STK24: variants seen among roughly 807,000 people sequenced by gnomAD.
The protein encoded by STK24 is serine/threonine-protein kinase 24.
In STK24, 21 loss-of-function variants were observed where a neutral mutation model predicts 55.6. That is an observed-to-expected ratio of 0.38 (90% CI 0.27 to 0.54). The LOEUF (loss-of-function observed/expected upper bound fraction) is 0.54, where lower values mean the gene tolerates loss of function less well. Among genes scored for constraint, STK24 ranks in the 20% least tolerant of loss-of-function variants. STK24 has a pLI of 0.79. For missense variants in STK24, 383 were observed against 538.4 expected (o/e 0.71, Z 2.86); for synonymous variants, 200 against 215.2 (o/e 0.93, Z 0.62).
intron 6 of STK24, among the ~76,000 whole-genome samples, chr13:98,465,225 G>C (rs1452361017): frequency 6.6e-6 from 1 of 152,252 alleles, no homozygotes; most frequent in Non-Finnish European, 1.5e-5. Context: ...AGCCAAGCAT[G>C]TTTTCAGATT....
At chr13:98,534,953 A>G (rs1896674789) in intron 1 of STK24, among the ~76,000 whole-genome samples, 1 of 152,256 alleles carries the variant, frequency 6.6e-6, no homozygotes, top group South Asian at 2.1e-4. Flanking sequence ...GTCTTGATAA[A>G]TCAGCTGTTT....
rs534278933 is a variant in STK24, at chr13:98,542,733, G to A, written c.43-23260C>T. 81 of 694,924 alleles carry A rather than the reference G, an allele frequency of 1.2e-4. 1 individual carries two copies. The South Asian group carries it at 5.0e-3, about 43-fold the overall frequency. The allele number at this position is 694,924 out of a possible 1,614,324, so 43.0% of individuals were successfully genotyped here. A position where few individuals can be genotyped will look rare whatever the true frequency, so the allele number is the denominator to read the frequency against. ...CCTTGTTCCTGGAGTGAAAGTGACGGGAAGCAAAGCAGCCCACAGCCCTAG... is the reference window on the plus strand; with the variant it reads ...CCTTGTTCCTGGAGTGAAAGTGACGAGAAGCAAAGCAGCCCACAGCCCTAG... On this transcript the variant is annotated intron_variant, in intron 1 of 10. Coordinates refer to ENST00000539966, the MANE Select transcript of STK24 (RefSeq NM_001032296.4).
At chr13:98,557,666 A>G (rs1897314476) in intron 1 of STK24, among the ~76,000 whole-genome samples, 1 of 152,246 alleles carries the variant, frequency 6.6e-6, no homozygotes, top group South Asian at 2.1e-4. Flanking sequence ...ATTTCCCAGA[A>G]ATGTCACATC....
chr13:98,517,978 T>C (rs61969454), intron 2 of STK24, among the ~76,000 whole-genome samples: 29,034 of 152,214 alleles, frequency 0.19, 3,048 homozygotes, highest in Non-Finnish European at 0.24. Flanking sequence ...ATATGATATA[T>C]ACCATAATTT....
chr13:98,517,489 G>T (rs181338455), intron 2 of STK24, among the ~76,000 whole-genome samples: 158 of 152,260 alleles, frequency 1.0e-3, no homozygotes, highest in Non-Finnish European at 1.9e-3. Flanking sequence ...AGCCGGGCAC[G>T]GTGGTTGGTG....
At chr13:98,515,774 C>T (rs1204079399) in intron 2 of STK24, among the ~76,000 whole-genome samples, 1 of 152,094 alleles carries the variant, frequency 6.6e-6, no homozygotes, top group Non-Finnish European at 1.5e-5. Flanking sequence ...TGCTAGCTAC[C>T]CCAACAATGA....
intron 2 of STK24, among the ~76,000 whole-genome samples, chr13:98,514,713 T>C (rs1269990287): frequency 2.0e-5 from 3 of 152,350 alleles, no homozygotes; most frequent in Admixed American, 1.3e-4. Flanking sequence ...GCACCTGATT[T>C]GCTTTGGTTA....
At chr13:98,490,662 GA>G (rs1192554079) in intron 2 of STK24, among the ~76,000 whole-genome samples, 1 of 152,068 alleles carries the variant, frequency 6.6e-6, no homozygotes, top group Non-Finnish European at 1.5e-5. Context: ...ATCATTATTA[GA>G]AAAGAACCAG....
intron 1 of STK24, among the ~76,000 whole-genome samples, chr13:98,533,901 C>A (rs949319473): frequency 2.0e-5 from 3 of 152,184 alleles, no homozygotes; most frequent in African/African-American, 7.2e-5. Context: ...GGGGTCCAGT[C>A]TGGACACAGC....
At chr13:98,512,427 G>T (rs980094558) in intron 2 of STK24, among the ~76,000 whole-genome samples, 1 of 152,074 alleles carries the variant, frequency 6.6e-6, no homozygotes, top group Non-Finnish European at 1.5e-5. Context: ...TTGACTTAGA[G>T]CGAAACAGGT....
At chr13:98,462,566 C>G (rs1300436239) in intron 7 of STK24, among the ~76,000 whole-genome samples, 1 of 152,108 alleles carries the variant, frequency 6.6e-6, no homozygotes, top group Admixed American at 6.5e-5. Flanking sequence ...CTCTCACTCA[C>G]AGGCGGAGCC....
intron 5 of STK24, among the ~76,000 whole-genome samples, chr13:98,471,592 C>G (rs1266174447): frequency 6.6e-6 from 1 of 152,186 alleles, no homozygotes; most frequent in Admixed American, 6.5e-5. Context: ...TTAGTAATGT[C>G]ATGCTTAGGT....
chr13:98,502,551 G>A (rs1291414530), intron 2 of STK24, among the ~76,000 whole-genome samples: 1 of 152,174 alleles, frequency 6.6e-6, no homozygotes, highest in Non-Finnish European at 1.5e-5. Context: ...TAAGGACGGA[G>A]CCCTCATGAA....
At chr13:98,492,905 A>G (rs1397319324) in intron 2 of STK24, among the ~76,000 whole-genome samples, 1 of 152,222 alleles carries the variant, frequency 6.6e-6, no homozygotes, top group Non-Finnish European at 1.5e-5. Flanking sequence ...AGATGCCTAA[A>G]TAAGAACCAC....
chr13:98,535,539 T>A (rs957424175), intron 1 of STK24, among the ~76,000 whole-genome samples: 1 of 151,976 alleles, frequency 6.6e-6, no homozygotes, highest in African/African-American at 2.4e-5. Flanking sequence ...ACATACCCAG[T>A]GTACAAATAA....
In STK24 at chr13:98,446,414, CTAGGAAGGGCCACCTGTCTTCTGCCT is replaced by C. The variant is rs922470010; in HGVS notation, c.*6733_*6758del. 1 of 602,044 alleles carries C rather than the reference CTAGGAAGGGCCACCTGTCTTCTGCCT, an allele frequency of 1.7e-6. No homozygotes were observed. The highest frequency in any genetic ancestry group is 2.9e-6 in the Non-Finnish European group (1 of 339,344). 37.3% of individuals were successfully genotyped at this position (602,044 alleles called of 1,614,324 possible). On this transcript the variant is annotated 3_prime_UTR_variant, in exon 11 of 11. Transcript: ENST00000539966. ...CATCCACTGAAGGACAACTTCTGCC[CTAGGAAGGGCCACCTGTCTTCTGCCT>C]GGACAAGGGACGGGGGTTGGCTTTA...
intron 2 of STK24, among the ~76,000 whole-genome samples, chr13:98,496,099 G>A (rs1301385167): frequency 6.6e-6 from 1 of 152,220 alleles, no homozygotes; most frequent in African/African-American, 2.4e-5. Context: ...TCATGCGGGA[G>A]GGGACAAAGG....
chr13:98,517,824 C>T (rs1896120846), intron 2 of STK24, among the ~76,000 whole-genome samples: 1 of 152,154 alleles, frequency 6.6e-6, no homozygotes, highest in African/African-American at 2.4e-5. Flanking sequence ...ACCTTAACTG[C>T]AAACTACCTT....
chr13:98,489,270 C>T (rs1238878962), intron 2 of STK24, among the ~76,000 whole-genome samples: 1 of 152,218 alleles, frequency 6.6e-6, no homozygotes, highest in Non-Finnish European at 1.5e-5. Flanking sequence ...GTTAACTCCA[C>T]AGTGTCCTCT....
Sources: gnomAD v4.1 joint callset for allele counts (sites outside exome capture counted in the v4.1 genomes callset) on GRCh38, gnomAD v4.1.1 for gene constraint, MANE v1.5 for transcripts, NCBI Gene and HGNC (gene_info 2026-07-23, HGNC 2026-07-21) for gene names.